CNTNAP2: variants seen among roughly 807,000 people sequenced by gnomAD.
CNTNAP2 encodes the protein contactin associated protein 2.
Under a neutral mutation model 155.2 loss-of-function variants are expected in CNTNAP2, and 98 were observed. The observed-to-expected ratio is 0.63, with a 90% confidence interval of 0.54 to 0.75. The LOEUF is 0.75. Ranked by LOEUF, CNTNAP2 falls within the 30% of genes least tolerant of loss-of-function variation. The pLI, the probability that CNTNAP2 is intolerant of heterozygous loss-of-function variation, is 0.00. For missense variants in CNTNAP2, 1,727 were observed against 1,688.1 expected (o/e 1.02, Z -0.40); for synonymous variants, 651 against 631.2 (o/e 1.03, Z -0.47).
At chr7:146,338,209 G>A (rs1016969491) in intron 1 of CNTNAP2, among the ~76,000 whole-genome samples, 1 of 152,066 alleles carries the variant, frequency 6.6e-6, no homozygotes, top group African/African-American at 2.4e-5. Flanking sequence ...TATTTCTATA[G>A]TCCTAGCATT....
chr7:146,481,645 A>G (rs1182881604), intron 1 of CNTNAP2, among the ~76,000 whole-genome samples: 2 of 152,194 alleles, frequency 1.3e-5, no homozygotes, highest in Non-Finnish European at 2.9e-5. Context: ...AGAAATATAT[A>G]CGGAATGATT....
At chr7:147,056,781 G>A (rs1407035815) in intron 4 of CNTNAP2, among the ~76,000 whole-genome samples, 2 of 151,918 alleles carry the variant, frequency 1.3e-5, no homozygotes, top group Non-Finnish European at 2.9e-5. Flanking sequence ...TCATTTGTTT[G>A]TTTGTTTTGG....
intron 18 of CNTNAP2, among the ~76,000 whole-genome samples, chr7:148,202,980 C>G (rs73744776): frequency 0.024 from 3,693 of 152,164 alleles, 156 homozygotes; most frequent in African/African-American, 0.081. Flanking sequence ...TGATGACAAC[C>G]TCATTTTCAG....
At position 148,161,153 on chromosome 7, in the gene CNTNAP2, G is replaced by A. The variant is rs76909714; in HGVS notation, c.2774-11089G>A. Among the ~76,000 whole-genome samples, 1,230 of 152,224 alleles carry A rather than the reference G, an allele frequency of 8.1e-3. 15 individuals carry two copies. The highest frequency in any genetic ancestry group is 0.028 in the African/African-American group (1,146 of 41,512). On this transcript the variant is annotated intron_variant, in intron 17 of 23. Coordinates refer to ENST00000361727, the MANE Select transcript of CNTNAP2 (RefSeq NM_014141.6). ...TATTCTTATAGTTTGTCATTGTCCT[G>A]TGTCTCCAATATCAGGAAGGTGGGA...
intron 17 of CNTNAP2, among the ~76,000 whole-genome samples, chr7:148,171,117 C>T (rs2116689306): frequency 6.6e-6 from 1 of 152,272 alleles, no homozygotes; most frequent in Non-Finnish European, 1.5e-5. Context: ...CTTCTCCAAG[C>T]CTCAGTTTCT....
rs1187539753 is a variant in CNTNAP2 at position 146,514,681 on chromosome 7, A to G, written c.98-259590A>G. Among the ~76,000 whole-genome samples, 110 of 151,222 alleles carry G rather than the reference A, an allele frequency of 7.3e-4. 1 individual carries two copies. Among genetic ancestry groups the G allele is most frequent in the Non-Finnish European group, 4.4e-5 (3 of 67,860 alleles). On this transcript the variant is annotated intron_variant, in intron 1 of 23. Coordinates refer to ENST00000361727, the MANE Select transcript of CNTNAP2 (RefSeq NM_014141.6). ...AGTTTTGTTTTTTTTTTCTTCCAGT[A>G]ACTCAACTCATACCATCTCATTAGG...
chr7:148,270,496 A>G (rs1414222610), intron 21 of CNTNAP2, among the ~76,000 whole-genome samples: 2 of 152,180 alleles, frequency 1.3e-5, no homozygotes, highest in Non-Finnish European at 2.9e-5. Context: ...TCATCCCTAC[A>G]AGCCTGTGAC....
intron 1 of CNTNAP2, among the ~76,000 whole-genome samples, chr7:146,713,560 A>G (rs1389385742): frequency 1.3e-5 from 2 of 152,150 alleles, no homozygotes; most frequent in Non-Finnish European, 2.9e-5. Flanking sequence ...CCTGCAATCT[A>G]TTGTTTATAT....
chr7:147,587,490 G>C (rs1233124284), intron 12 of CNTNAP2, among the ~76,000 whole-genome samples: 1 of 152,044 alleles, frequency 6.6e-6, no homozygotes, highest in Non-Finnish European at 1.5e-5. Flanking sequence ...CTTTACCTCA[G>C]TTTTATTTTT....
chr7:146,535,276 T>TC (rs1797844894), intron 1 of CNTNAP2, among the ~76,000 whole-genome samples: 2 of 57,976 alleles, frequency 3.4e-5, no homozygotes, highest in Admixed American at 2.4e-4. Context: ...ATATATTATA[T>TC]ATTATATTAT....
chr7:146,319,318 A>G (rs1400243317), intron 1 of CNTNAP2, among the ~76,000 whole-genome samples: 1 of 152,128 alleles, frequency 6.6e-6, no homozygotes, highest in Admixed American at 6.6e-5. Context: ...ACTTTAAAAA[A>G]CTTGTCATAA....
At chr7:146,920,767 G>A (rs1473465139) in intron 3 of CNTNAP2, among the ~76,000 whole-genome samples, 1 of 152,166 alleles carries the variant, frequency 6.6e-6, no homozygotes, top group Admixed American at 6.5e-5. Flanking sequence ...CTTTGGAAAT[G>A]CCTTTGCAGA....
intron 1 of CNTNAP2, among the ~76,000 whole-genome samples, chr7:146,510,508 C>T (rs1797449821): frequency 6.6e-6 from 1 of 152,092 alleles, no homozygotes; most frequent in African/African-American, 2.4e-5. Flanking sequence ...GTTGCTTTTT[C>T]TATTTCTGTG....
At chr7:146,216,199 C>T (rs939580143) in intron 1 of CNTNAP2, among the ~76,000 whole-genome samples, 2 of 152,156 alleles carry the variant, frequency 1.3e-5, no homozygotes, top group South Asian at 2.1e-4. Context: ...AGGAGAGCAC[C>T]CTCAGGAAAA....
intron 2 of CNTNAP2, among the ~76,000 whole-genome samples, chr7:146,776,344 G>A (rs527544513): frequency 2.6e-5 from 4 of 152,156 alleles, no homozygotes; most frequent in African/African-American, 9.6e-5. Context: ...AAGATGATTT[G>A]CTCAGTAAAT....
At chr7:147,289,965 ATAT>A (rs1294192436) in intron 8 of CNTNAP2, among the ~76,000 whole-genome samples, 1 of 152,210 alleles carries the variant, frequency 6.6e-6, no homozygotes, top group Non-Finnish European at 1.5e-5. Flanking sequence ...AAACATTTAC[ATAT>A]TATTGAGGTA....
intron 21 of CNTNAP2, among the ~76,000 whole-genome samples, chr7:148,362,262 A>G (rs1356252309): frequency 6.6e-6 from 1 of 152,082 alleles, no homozygotes; most frequent in Non-Finnish European, 1.5e-5. Flanking sequence ...CGAGAACAGC[A>G]TGGGGGAAAC....
At chr7:147,366,566 C>T (rs1796232748) in intron 9 of CNTNAP2, among the ~76,000 whole-genome samples, 1 of 151,676 alleles carries the variant, frequency 6.6e-6, no homozygotes, top group African/African-American at 2.4e-5. Context: ...TTTGTTACTT[C>T]TTAAGATGAA....
chr7:146,399,151 T>C (rs905043948), intron 1 of CNTNAP2, among the ~76,000 whole-genome samples: 4 of 152,182 alleles, frequency 2.6e-5, no homozygotes, highest in Admixed American at 6.5e-5. Context: ...ATAAAGCTAA[T>C]TGTCATATGC....
Sources: gnomAD v4.1 joint callset for allele counts (sites outside exome capture counted in the v4.1 genomes callset) on GRCh38, gnomAD v4.1.1 for gene constraint, MANE v1.5 for transcripts, NCBI Gene and HGNC (gene_info 2026-07-23, HGNC 2026-07-21) for gene names.